The following VRK2 variants were observed in gnomAD, a reference collection of about 807,000 sequenced individuals.
The protein encoded by VRK2 is serine/threonine-protein kinase VRK2.
A neutral mutation model predicts 57.6 loss-of-function variants in VRK2; 60 were observed. That is an observed-to-expected ratio of 1.04 (90% CI 0.85 to 1.29). VRK2 has a LOEUF of 1.29. Ranked by LOEUF, VRK2 falls within the 50% of genes most tolerant of loss-of-function variation. The pLI is 0.00. For missense variants in VRK2, 705 were observed against 588.1 expected, an observed-to-expected ratio of 1.20 and a Z score of -2.06; for synonymous variants, 231 against 199.2, an observed-to-expected ratio of 1.16 and a Z score of -1.35.
At chr2:58,155,171 A>G (rs900244592) in intron 12 of VRK2, among the ~76,000 whole-genome samples, 3 of 152,178 alleles carry the variant, frequency 2.0e-5, no homozygotes, top group African/African-American at 7.2e-5. Flanking sequence ...GATTTATTTT[A>G]TATTCCTGCT....
At chr2:58,136,535 C>T (rs1413467492) in intron 10 of VRK2, among the ~76,000 whole-genome samples, 1 of 151,782 alleles carries the variant, frequency 6.6e-6, no homozygotes, top group Non-Finnish European at 1.5e-5. Context: ...CAGACACGTG[C>T]CACGATGCCC....
intron 10 of VRK2, among the ~76,000 whole-genome samples, chr2:58,135,785 T>C (rs1172000104): frequency 6.6e-6 from 1 of 152,180 alleles, no homozygotes; most frequent in Non-Finnish European, 1.5e-5. Flanking sequence ...CAATACATAT[T>C]GTATAAAATA....
intron 1 of VRK2, among the ~76,000 whole-genome samples, chr2:58,014,487 T>C (rs920691414): frequency 6.6e-6 from 1 of 152,232 alleles, no homozygotes; most frequent in African/African-American, 2.4e-5. Context: ...TCATAATTCT[T>C]ACCAGTTAAA....
At chr2:58,110,784 AG>A (rs1319750452) in intron 7 of VRK2, among the ~76,000 whole-genome samples, 1 of 152,188 alleles carries the variant, frequency 6.6e-6, no homozygotes, top group Non-Finnish European at 1.5e-5. Flanking sequence ...AGAATTGAGG[AG>A]GGAGAGCTTC....
chr2:58,047,479 C>T (rs1450291010), intron 1 of VRK2: 1 of 985,386 alleles, frequency 1.0e-6, no homozygotes, highest in Non-Finnish European at 1.2e-6. Context: ...ATGTACATTT[C>T]GTAGAGTCTC....
chr2:57,928,251 T>A (rs973818212), intron 1 of VRK2, among the ~76,000 whole-genome samples: 2 of 152,172 alleles, frequency 1.3e-5, no homozygotes, highest in Non-Finnish European at 1.5e-5. Flanking sequence ...GTCTTCTGAC[T>A]GTGAATTTTC....
chr2:57,918,364 C>A, intron 1 of VRK2, among the ~76,000 whole-genome samples: 1 of 151,548 alleles, frequency 6.6e-6, no homozygotes, highest in East Asian at 1.9e-4. Flanking sequence ...TTTGAAAAAT[C>A]CTACTTTGTG....
intron 7 of VRK2, among the ~76,000 whole-genome samples, chr2:58,110,328 A>T (rs1675374741): frequency 6.6e-6 from 1 of 152,214 alleles, no homozygotes; most frequent in South Asian, 2.1e-4. Context: ...TTAATAGGGC[A>T]TAATATATTC....
chr2:58,126,945 T>A, intron 8 of VRK2, among the ~76,000 whole-genome samples: 1 of 152,090 alleles, frequency 6.6e-6, no homozygotes, highest in African/African-American at 2.4e-5. Context: ...AGGCATGCAG[T>A]CAATACCTAA....
intron 1 of VRK2, among the ~76,000 whole-genome samples, chr2:58,015,586 G>C (rs1420972643): frequency 6.6e-6 from 1 of 152,052 alleles, no homozygotes; most frequent in South Asian, 2.1e-4. Flanking sequence ...AACTCTTTTT[G>C]ACCTTTGCAC....
intron 2 of VRK2, among the ~76,000 whole-genome samples, chr2:58,083,422 A>G (rs1671174036): frequency 6.6e-6 from 1 of 151,988 alleles, no homozygotes; most frequent in East Asian, 1.9e-4. Flanking sequence ...GGAGTTTTTA[A>G]AAGTAGGGTT....
chr2:58,048,544 A>C (rs1243896777), intron 1 of VRK2: 2 of 1,370,916 alleles, frequency 1.5e-6, no homozygotes, highest in South Asian at 2.5e-5. Context: ...CTGCACTGTT[A>C]ATATGTGCTA....
intron 7 of VRK2, among the ~76,000 whole-genome samples, chr2:58,109,875 A>G (rs150606268): frequency 1.3e-5 from 2 of 152,254 alleles, no homozygotes; most frequent in East Asian, 3.9e-4. Context: ...ATATATATAT[A>G]TATTTGGAGA....
At chr2:58,080,480 G>C (rs1290504638) in intron 2 of VRK2, among the ~76,000 whole-genome samples, 1 of 151,716 alleles carries the variant, frequency 6.6e-6, no homozygotes, top group Non-Finnish European at 1.5e-5. Flanking sequence ...TTGTTGCAAT[G>C]TTGTTAATTT....
chr2:58,046,929 C>T, intron 1 of VRK2, 61 bp downstream of exon 1: 1 of 985,542 alleles, frequency 1.0e-6, no homozygotes, highest in East Asian at 1.1e-4. Context: ...AGTGCCGGAG[C>T]CGCGGCCCCG....
intron 12 of VRK2, among the ~76,000 whole-genome samples, chr2:58,152,367 T>C (rs190624428): frequency 1.3e-5 from 2 of 152,036 alleles, no homozygotes; most frequent in Admixed American, 6.6e-5. Flanking sequence ...CTTAAAAATA[T>C]ATACTTCCCT....
chr2:58,119,476 CAAAAAAAAA>C (rs35693605), intron 7 of VRK2, among the ~76,000 whole-genome samples: 2 of 87,322 alleles, frequency 2.3e-5, no homozygotes, highest in East Asian at 3.2e-4. Context: ...GACTCCATCT[CAAAAAAAAA>C]AAAAAAAAAG....
chr2:57,909,950 T>C (rs1178767927), intron 1 of VRK2, among the ~76,000 whole-genome samples: 4 of 152,158 alleles, frequency 2.6e-5, no homozygotes, highest in African/African-American at 9.6e-5. Flanking sequence ...CTATAAGCCA[T>C]AATAACAGGT....
At chr2:57,929,448 A>C (rs2139054) in intron 1 of VRK2, among the ~76,000 whole-genome samples, 102,692 of 151,974 alleles carry the variant, frequency 0.68, 35,647 homozygotes, top group African/African-American at 0.86. Context: ...ACCCTCCCTT[A>C]AGGAAAGTGG....
Sources: allele counts gnomAD v4.1 joint callset (sites outside exome capture counted in the v4.1 genomes callset), GRCh38; gene constraint gnomAD v4.1.1; transcripts MANE v1.5; gene names NCBI Gene and HGNC (gene_info 2026-07-23, HGNC 2026-07-21).